The following TTC28 variants were observed in gnomAD, a reference collection of about 807,000 sequenced individuals.
TTC28 encodes the protein tetratricopeptide repeat protein 28.
In TTC28, 61 loss-of-function variants were observed where a neutral mutation model predicts 198.0. The ratio of observed to expected loss-of-function variants is 0.31; its 90% CI spans 0.25 to 0.38. The LOEUF is 0.38. Among genes scored for constraint, TTC28 ranks in the 10% least tolerant of loss-of-function variants. TTC28 has a pLI of 1.00. For missense variants in TTC28, 2,678 were observed against 3,164.0 expected, an observed-to-expected ratio of 0.85 and a Z score of 3.69; for synonymous variants, 1,171 against 1,297.8, an observed-to-expected ratio of 0.90 and a Z score of 2.10.
chr22:28,538,556 C>CTTTTTTTTTTT (rs753754141), intron 2 of TTC28, among the ~76,000 whole-genome samples: 1 of 109,536 alleles, frequency 9.1e-6, no homozygotes, highest in Non-Finnish European at 1.9e-5. Flanking sequence ...GCACCTTTCT[C>CTTTTTTTTTTT]TTTTTTTTTT....
intron 5 of TTC28, among the ~76,000 whole-genome samples, chr22:28,183,318 G>A (rs1434909053): frequency 2.6e-5 from 4 of 152,038 alleles, no homozygotes; most frequent in Non-Finnish European, 5.9e-5. Flanking sequence ...TTAGCCTCCT[G>A]AGTAGCCAAG....
At chr22:28,194,274 T>A (rs958182254) in intron 5 of TTC28, among the ~76,000 whole-genome samples, 2 of 152,106 alleles carry the variant, frequency 1.3e-5, no homozygotes, top group African/African-American at 4.8e-5. Flanking sequence ...CTGGGACACA[T>A]TTAAAGCAGT....
intron 2 of TTC28, among the ~76,000 whole-genome samples, chr22:28,579,169 C>T (rs2050194964): frequency 1.3e-5 from 2 of 149,804 alleles, no homozygotes; most frequent in African/African-American, 4.9e-5. Flanking sequence ...CATACAGCTA[C>T]ACGTATGTAT....
At chr22:28,049,904 G>C (rs1281353032) in intron 12 of TTC28, among the ~76,000 whole-genome samples, 1 of 151,988 alleles carries the variant, frequency 6.6e-6, no homozygotes, top group African/African-American at 2.4e-5. Context: ...CCTTCCACTG[G>C]GCCTCTGAAA....
intron 5 of TTC28, among the ~76,000 whole-genome samples, chr22:28,252,882 A>T (rs942066117): frequency 1.3e-5 from 2 of 152,140 alleles, no homozygotes; most frequent in South Asian, 2.1e-4. Flanking sequence ...TAAAATGGGT[A>T]AAAAAACACC....
chr22:28,234,347 A>C (rs1929072826), intron 5 of TTC28, among the ~76,000 whole-genome samples: 1 of 150,966 alleles, frequency 6.6e-6, no homozygotes, highest in African/African-American at 2.4e-5. Flanking sequence ...CCAGGACCTA[A>C]AATTCTACAT....
intron 6 of TTC28, among the ~76,000 whole-genome samples, chr22:28,140,030 G>C (rs187693659): frequency 6.6e-6 from 1 of 152,308 alleles, no homozygotes; most frequent in East Asian, 1.9e-4. Context: ...TAAAACACTT[G>C]CTTATGGGCT....
At chr22:28,416,637 C>T (rs2047171422) in intron 2 of TTC28, among the ~76,000 whole-genome samples, 1 of 147,070 alleles carries the variant, frequency 6.8e-6, no homozygotes, top group Non-Finnish European at 1.5e-5. Flanking sequence ...TTAGGGTGAG[C>T]TCCACCAACA....
intron 2 of TTC28, among the ~76,000 whole-genome samples, chr22:28,563,830 A>G (rs2049928484): frequency 6.6e-6 from 1 of 152,168 alleles, no homozygotes; most frequent in Non-Finnish European, 1.5e-5. Flanking sequence ...TCAAACAAAT[A>G]CATGTACATA....
chr22:28,181,454 G>A (rs1042205803), intron 5 of TTC28, among the ~76,000 whole-genome samples: 2 of 152,206 alleles, frequency 1.3e-5, no homozygotes, highest in Non-Finnish European at 2.9e-5. Context: ...TAGTAAAACT[G>A]CATTTAGTTT....
chr22:28,567,475 CATACATATATAT>C (rs932379618), intron 2 of TTC28, among the ~76,000 whole-genome samples: 9 of 13,776 alleles, frequency 6.5e-4, no homozygotes, highest in Non-Finnish European at 1.1e-3. Flanking sequence ...CATATACATA[CATACATATATAT>C]ATATATATAT....
At chr22:28,524,237 C>T (rs1470410186) in intron 2 of TTC28, among the ~76,000 whole-genome samples, 1 of 152,014 alleles carries the variant, frequency 6.6e-6, no homozygotes, top group Non-Finnish European at 1.5e-5. Flanking sequence ...ACGGGCAGAT[C>T]ACCAGGTCAG....
chr22:28,034,081 G>T (rs1939237146), intron 12 of TTC28, among the ~76,000 whole-genome samples: 1 of 152,220 alleles, frequency 6.6e-6, no homozygotes, highest in African/African-American at 2.4e-5. Context: ...TAGTGGCTGT[G>T]CAGAAAGAGC....
At chr22:27,995,899 C>T (rs1348212945) in intron 17 of TTC28, among the ~76,000 whole-genome samples, 1 of 152,134 alleles carries the variant, frequency 6.6e-6, no homozygotes, top group Non-Finnish European at 1.5e-5. Context: ...GGGACGTCTG[C>T]AGAAGCACCC....
intron 2 of TTC28, among the ~76,000 whole-genome samples, chr22:28,387,349 G>A (rs2046626131): frequency 6.6e-6 from 1 of 152,186 alleles, no homozygotes. Flanking sequence ...AGTCCTTTGG[G>A]TATATACCCA....
intron 2 of TTC28, among the ~76,000 whole-genome samples, chr22:28,463,897 A>T (rs1360568549): frequency 6.6e-6 from 1 of 152,116 alleles, no homozygotes; most frequent in Non-Finnish European, 1.5e-5. Context: ...GTACCCTAGA[A>T]CTTAAAGTAT....
intron 1 of TTC28, among the ~76,000 whole-genome samples, chr22:28,638,513 A>G (rs929980519): frequency 2.0e-5 from 3 of 152,146 alleles, no homozygotes; most frequent in Non-Finnish European, 4.4e-5. Context: ...CAAAAAGATT[A>G]GTAACAAATC....
At chr22:28,675,230 C>G (rs1376899803) in intron 1 of TTC28, among the ~76,000 whole-genome samples, 1 of 151,882 alleles carries the variant, frequency 6.6e-6, no homozygotes, top group African/African-American at 2.4e-5. Context: ...ACACACCTCA[C>G]ACCACACACA....
intron 2 of TTC28, among the ~76,000 whole-genome samples, chr22:28,538,604 G>A (rs35619709): frequency 7.0e-6 from 1 of 142,974 alleles, no homozygotes; most frequent in African/African-American, 2.7e-5. Flanking sequence ...CTGTCGCCTA[G>A]GCTGAAGTGC....
Sources: gnomAD v4.1 joint callset for allele counts (sites outside exome capture counted in the v4.1 genomes callset) on GRCh38, gnomAD v4.1.1 for gene constraint, MANE v1.5 for transcripts, NCBI Gene and HGNC (gene_info 2026-07-23, HGNC 2026-07-21) for gene names.